ETV6: variants seen among roughly 807,000 people sequenced by gnomAD.
The protein encoded by ETV6 is ETS variant transcription factor 6.
A neutral mutation model predicts 51.1 loss-of-function variants in ETV6; 16 were observed. That is an observed-to-expected ratio of 0.31 (90% CI 0.21 to 0.48). ETV6 has a LOEUF of 0.48. Ranked by LOEUF, ETV6 falls within the 20% of genes least tolerant of loss-of-function variation. The pLI, the probability that ETV6 is intolerant of heterozygous loss-of-function variation, is 0.99. For missense variants in ETV6, 458 were observed against 594.8 expected, an observed-to-expected ratio of 0.77 and a Z score of 2.39; for synonymous variants, 240 against 224.1, an observed-to-expected ratio of 1.07 and a Z score of -0.64.
At chr12:11,673,677 A>G (rs894680147) in intron 1 of ETV6, among the ~76,000 whole-genome samples, 4 of 152,184 alleles carry the variant, frequency 2.6e-5, no homozygotes, top group South Asian at 4.1e-4. Flanking sequence ...GCCCAAATAC[A>G]TCAGTTTCTC....
chr12:11,810,999 G>A (rs1945904884), intron 2 of ETV6, among the ~76,000 whole-genome samples: 1 of 151,958 alleles, frequency 6.6e-6, no homozygotes, highest in Non-Finnish European at 1.5e-5. Context: ...TGTCCAGAAA[G>A]TTCTTTAAAC....
At chr12:11,780,407 C>A (rs1452719903) in intron 2 of ETV6, among the ~76,000 whole-genome samples, 1 of 152,072 alleles carries the variant, frequency 6.6e-6, no homozygotes, top group East Asian at 1.9e-4. Flanking sequence ...TAGAAGTATA[C>A]CAGTTCTTCC....
chr12:11,692,415 A>T (rs1864785025), intron 1 of ETV6, among the ~76,000 whole-genome samples: 1 of 152,188 alleles, frequency 6.6e-6, no homozygotes, highest in African/African-American at 2.4e-5. Flanking sequence ...ATTTGGTTAT[A>T]AGCAACAGAA....
At chr12:11,795,017 A>G (rs755833749) in intron 2 of ETV6, among the ~76,000 whole-genome samples, 21 of 152,220 alleles carry the variant, frequency 1.4e-4, no homozygotes, top group Non-Finnish European at 2.1e-4. Context: ...AGTAAGAGTC[A>G]CAAATACTGT....
At chr12:11,741,427 A>G (rs2121020488) in intron 1 of ETV6, among the ~76,000 whole-genome samples, 1 of 152,288 alleles carries the variant, frequency 6.6e-6, no homozygotes, top group Admixed American at 6.5e-5. Flanking sequence ...GCAGGCCAAA[A>G]GTGGGGTGGG....
At chr12:11,680,569 AACT>A (rs1864507587) in intron 1 of ETV6, among the ~76,000 whole-genome samples, 1 of 152,224 alleles carries the variant, frequency 6.6e-6, no homozygotes, top group African/African-American at 2.4e-5. Flanking sequence ...GCCAAGGATT[AACT>A]CTCTCCATTA....
At chr12:11,791,682 C>A (rs901031298) in intron 2 of ETV6, among the ~76,000 whole-genome samples, 1 of 151,928 alleles carries the variant, frequency 6.6e-6, no homozygotes, top group Non-Finnish European at 1.5e-5. Context: ...TTACACTGAC[C>A]CCTTTAATTC....
intron 1 of ETV6, among the ~76,000 whole-genome samples, chr12:11,743,108 T>A (rs1865840666): frequency 6.6e-6 from 1 of 152,106 alleles, no homozygotes; most frequent in Admixed American, 6.5e-5. Flanking sequence ...GCGCCAGACC[T>A]CTTTTATCTT....
chr12:11,650,018 A>G lies in ETV6; in HGVS notation c.-110A>G, dbSNP rs1188473155. The G allele has an allele frequency of 4.9e-6, 5 of 1,029,462 alleles. No individual in the cohort carries two copies. Among genetic ancestry groups the G allele is most frequent in the South Asian group, 4.0e-5 (3 of 75,350 alleles). 63.8% of individuals were successfully genotyped at this position (1,029,462 alleles called of 1,614,324 possible). A position where few individuals can be genotyped will look rare whatever the true frequency, so the allele number is the denominator to read the frequency against. Reference sequence around the variant, plus strand: ...CGGCTGCCGGGAGAGATGCTGGAAGAAACTTCTTAAATGACCGCGTCTGGC... The same window carrying G: ...CGGCTGCCGGGAGAGATGCTGGAAGGAACTTCTTAAATGACCGCGTCTGGC... On this transcript the variant is annotated 5_prime_UTR_variant, in exon 1 of 8. Transcript: ENST00000396373.
chr12:11,883,205 C>A (rs1387480077), intron 5 of ETV6, among the ~76,000 whole-genome samples: 1 of 150,542 alleles, frequency 6.6e-6, no homozygotes, highest in Admixed American at 6.7e-5. Flanking sequence ...TGCTGGAGGG[C>A]AACCACACAC....
chr12:11,879,069 C>A (rs972463566), intron 5 of ETV6, among the ~76,000 whole-genome samples: 1 of 152,092 alleles, frequency 6.6e-6, no homozygotes, highest in African/African-American at 2.4e-5. Context: ...CAGTTCAGAA[C>A]CATATTTGTA....
In ETV6 at chr12:11,782,605, CAG is replaced by C. The variant is rs150845854; in HGVS notation, c.163+30029_163+30030del. Among the ~76,000 whole-genome samples the C allele has an allele frequency of 5.3e-3, 805 of 152,206 alleles. 7 individuals carry two copies. The highest frequency in any genetic ancestry group is 0.018 in the African/African-American group (758 of 41,514). ...TAGGATGTTCACTAATGTGGAAAGA[CAG>C]AGGGATTGGGGAATCACTGGGAAAT... On this transcript the variant is annotated intron_variant, in intron 2 of 7. Transcript: ENST00000396373.
chr12:11,755,077 A>G (rs1944987995), intron 2 of ETV6, among the ~76,000 whole-genome samples: 1 of 152,204 alleles, frequency 6.6e-6, no homozygotes, highest in Non-Finnish European at 1.5e-5. Context: ...TGTTTAGTAA[A>G]TATTTATTGG....
At chr12:11,815,082 A>G (rs1945971682) in intron 2 of ETV6, among the ~76,000 whole-genome samples, 1 of 152,216 alleles carries the variant, frequency 6.6e-6, no homozygotes, top group Non-Finnish European at 1.5e-5. Context: ...ACTTCCCAGG[A>G]GAAGTCAAAT....
intron 2 of ETV6, among the ~76,000 whole-genome samples, chr12:11,783,146 A>C (rs1242171615): frequency 6.6e-6 from 1 of 152,120 alleles, no homozygotes; most frequent in African/African-American, 2.4e-5. Context: ...GGAGCAAGGG[A>C]TGGGAAGCAG....
chr12:11,760,292 T>G (rs1418815845), intron 2 of ETV6, among the ~76,000 whole-genome samples: 1 of 152,236 alleles, frequency 6.6e-6, no homozygotes. Context: ...TGGATACCAG[T>G]AGCTCTCAAA....
intron 3 of ETV6, among the ~76,000 whole-genome samples, chr12:11,851,731 AT>A (rs1458084577): frequency 2.0e-5 from 3 of 152,218 alleles, no homozygotes; most frequent in Admixed American, 2.0e-4. Flanking sequence ...GCAGAAAGTT[AT>A]ACTAACAGCA....
In ETV6 at chr12:11,674,159, G is replaced by A. The variant is rs557907457; in HGVS notation, c.33+23999G>A. ...GCAAACAATAAAGAGCAGTGTGCTC[G>A]CGTGGCCAGATCGTTCGCTTCCTTC... On this transcript the variant is annotated intron_variant, in intron 1 of 7. Coordinates refer to ENST00000396373, the MANE Select transcript of ETV6 (RefSeq NM_001987.5). 1.3e-4 allele frequency among the ~76,000 whole-genome samples: 20 copies of A among 152,250 alleles called. No individual in the cohort carries two copies. The East Asian group carries it at 3.7e-3, about 28-fold the overall frequency.
At chr12:11,756,007 A>G (rs986653011) in intron 2 of ETV6, among the ~76,000 whole-genome samples, 1 of 152,248 alleles carries the variant, frequency 6.6e-6, no homozygotes, top group Non-Finnish European at 1.5e-5. Flanking sequence ...GTTCTCATAC[A>G]GAGAGTTTCT....
Sources: allele counts gnomAD v4.1 joint callset (sites outside exome capture counted in the v4.1 genomes callset), GRCh38; gene constraint gnomAD v4.1.1; transcripts MANE v1.5; gene names NCBI Gene and HGNC (gene_info 2026-07-23, HGNC 2026-07-21).